PPP6R1: variants seen among roughly 807,000 people sequenced by gnomAD.
The protein encoded by PPP6R1 is serine/threonine-protein phosphatase 6 regulatory subunit 1.
A neutral mutation model predicts 104.6 loss-of-function variants in PPP6R1; 39 were observed. The ratio of observed to expected loss-of-function variants is 0.37; its 90% CI spans 0.29 to 0.49. The LOEUF (loss-of-function observed/expected upper bound fraction) is 0.49, where lower values mean the gene tolerates loss of function less well. PPP6R1 is among the 20% of genes least tolerant of loss of function. PPP6R1 has a pLI of 0.98. For synonymous variants in PPP6R1, 549 were observed against 479.0 expected, an observed-to-expected ratio of 1.15 and a Z score of -1.91; for missense variants, 1,181 against 1,155.8, an observed-to-expected ratio of 1.02 and a Z score of -0.32.
chr19:55,231,922 A>G lies in PPP6R1; in HGVS notation c.2186T>C (p.Val729Ala), dbSNP rs775261833. The change falls in exon 19 of 24, where the codon GTC (valine) becomes GCC (alanine). Residue 729 changes from valine (V) to alanine (A), a missense_variant. Val to Ala is a moderately conservative substitution (Grantham distance 64). Around this residue, in one of 2 missense-constraint regions of PPP6R1, gnomAD observed 1,042 missense variants for 955.6 expected, o/e 1.09. Coordinates refer to ENST00000412770, the MANE Select transcript of PPP6R1 (RefSeq NM_014931.4). ...AGTGTGCAGCTCTTCCTCCCCGGAGACTCGGGGGCTGGTCGGGGCATCTGT... is the reference window on the plus strand; with the variant it reads ...AGTGTGCAGCTCTTCCTCCCCGGAGGCTCGGGGGCTGGTCGGGGCATCTGT... ...VPTDAPTSPR[V>A]SGEEELHTGP... 2.6e-6 allele frequency: 4 copies of G among 1,554,942 alleles called. No homozygotes were observed. The highest frequency in any genetic ancestry group is 3.5e-6 in the Non-Finnish European group (4 of 1,147,380).
chr19:55,234,805 C>G (rs969737267), intron 17 of PPP6R1, among the ~76,000 whole-genome samples: 2 of 152,174 alleles, frequency 1.3e-5, no homozygotes, highest in Non-Finnish European at 2.9e-5. Flanking sequence ...AAGGAGCTCA[C>G]AAGCAGAGTG....
intron 5 of PPP6R1, among the ~76,000 whole-genome samples, chr19:55,243,200 G>T (rs1198779949): frequency 3.3e-5 from 5 of 152,090 alleles, no homozygotes; most frequent in Admixed American, 3.3e-4. Context: ...GGATCACGAG[G>T]TCAGGAGTTT....
At chr19:55,231,265 G>T in intron 21 of PPP6R1, 145 bp downstream of exon 21, 2 of 1,020,538 alleles carry the variant, frequency 2.0e-6, no homozygotes, top group Non-Finnish European at 3.0e-6. Flanking sequence ...GAGTGCAAGG[G>T]GCTGGGGCAC....
In PPP6R1 at chr19:55,231,837, C is replaced by G. The variant is rs1379101138; in HGVS notation, c.2271G>C (p.Leu757=). 23 of 1,504,074 alleles carry G rather than the reference C, an allele frequency of 1.5e-5. No homozygotes were observed. Among genetic ancestry groups the G allele is most frequent in the Middle Eastern group, 1.8e-4 (1 of 5,626 alleles). The allele number at this position is 1,504,074 out of a possible 1,614,324, so 93.2% of individuals were successfully genotyped here. A position where few individuals can be genotyped will look rare whatever the true frequency, so the allele number is the denominator to read the frequency against. The change falls in exon 19 of 24, where the codon CTG becomes CTC. Residue 757 remains leucine, a synonymous_variant. Transcript: ENST00000412770. ...SVPQGLPTQS[L]ASPPARDALQ... ...GGGCGTCACGGGCAGGAGGGCTGGCCAGGCTCTGAGTGGGGAGGCCCTGGG... is the reference window on the plus strand; with the variant it reads ...GGGCGTCACGGGCAGGAGGGCTGGCGAGGCTCTGAGTGGGGAGGCCCTGGG...
In PPP6R1 at chr19:55,240,514, TACACACACAC is replaced by T. The variant is rs777717878; in HGVS notation, c.1297-224_1297-215del. Among the ~76,000 whole-genome samples, 335 of 136,016 alleles carry T rather than the reference TACACACACAC, an allele frequency of 2.5e-3. 1 individual carries two copies. The highest frequency in any genetic ancestry group is 4.7e-3 in the African/African-American group (179 of 38,156). 89.2% of individuals were successfully genotyped at this position (136,016 alleles called of 152,430 possible). A position where few individuals can be genotyped will look rare whatever the true frequency, so the allele number is the denominator to read the frequency against. On this transcript the variant is annotated intron_variant, in intron 10 of 23. Transcript: ENST00000412770. The stretch of plus-strand genomic sequence containing the variant: ...TTTCTACAAAAGAATATGTGGTGCA[TACACACACAC>T]ACACACACACACACACACACACACA...
At chr19:55,228,670 C>A (rs765029250), downstream of PPP6R1, 2 of 1,607,310 alleles carry the variant, frequency 1.2e-6, no homozygotes, top group Non-Finnish European at 1.7e-6. Flanking sequence ...CAGCCCCAGG[C>A]ACAGCTCAGA....
At chr19:55,234,488 CTCACA>C (rs984892802) in intron 17 of PPP6R1, among the ~76,000 whole-genome samples, 2 of 152,294 alleles carry the variant, frequency 1.3e-5, no homozygotes, top group Non-Finnish European at 2.9e-5. Context: ...GGTGGACCAC[CTCACA>C]TCATATACAA....
At chr19:55,249,543 C>T (rs1398563320) in intron 1 of PPP6R1, among the ~76,000 whole-genome samples, 1 of 152,004 alleles carries the variant, frequency 6.6e-6, no homozygotes, top group Non-Finnish European at 1.5e-5. Flanking sequence ...GCCCAGACTC[C>T]CAATATTCCT....
At position 55,241,546 on chromosome 19, in the gene PPP6R1, A is replaced by G. The variant is rs752751124; in HGVS notation, c.939T>C (p.Ser313=). 6 of 1,579,930 alleles carry G rather than the reference A, an allele frequency of 3.8e-6. No homozygotes were observed. The highest frequency in any genetic ancestry group is 5.2e-6 in the Non-Finnish European group (6 of 1,164,172). The stretch of plus-strand genomic sequence containing the variant: ...GGCGTAGGGCGTGCAAGGCGCCCAC[A>G]CTGGACACAGTGCTTTCCAGGGCCC... ...AQGALESTVS[S]VGALHALRPR... Residue 313 remains serine, a synonymous_variant, in exon 8 of 24, where the codon AGT becomes AGC. Coordinates refer to ENST00000412770, the MANE Select transcript of PPP6R1 (RefSeq NM_014931.4). The surrounding 1 kb of genome is among the most constrained non-coding windows in gnomAD (Gnocchi z 5.4).
chr19:55,257,078 TAAAAAA>T (rs35336959), intron 1 of PPP6R1, among the ~76,000 whole-genome samples: 1 of 94,278 alleles, frequency 1.1e-5, no homozygotes, highest in African/African-American at 4.0e-5. Context: ...GAACTAGAGT[TAAAAAA>T]AAAAAAAAAA....
intron 1 of PPP6R1, among the ~76,000 whole-genome samples, chr19:55,257,760 C>CT (rs906870644): frequency 1.3e-5 from 2 of 152,250 alleles, no homozygotes; most frequent in African/African-American, 4.8e-5. Context: ...TTTGTACCCC[C>CT]TCCAGGGACC....
At chr19:55,230,555 G>A (rs569609624) in intron 23 of PPP6R1, 24 bp from the exon 24 acceptor site, 2 of 1,613,612 alleles carry the variant, frequency 1.2e-6, no homozygotes, top group Non-Finnish European at 1.7e-6. Context: ...GAGATGTCGT[G>A]TGAGGGTCTA....
downstream of PPP6R1, chr19:55,229,185 T>C (rs758265581): frequency 2.8e-5 from 5 of 177,642 alleles, no homozygotes; most frequent in Non-Finnish European, 6.2e-5. Context: ...CCCTGCTCCA[T>C]GAAACCTTTC....
chr19:55,258,278 T>G (rs1340606866), intron 1 of PPP6R1, among the ~76,000 whole-genome samples, 157 bp downstream of exon 1: 1 of 150,248 alleles, frequency 6.7e-6, no homozygotes, highest in Non-Finnish European at 1.5e-5. Flanking sequence ...AGAAACGGGG[T>G]GCCGTGGAGA....
Position 55,241,265 on chromosome 19 carries a change from CCAGGAGCTCGTGCGT to C in PPP6R1, c.1120_1134del (p.Thr374_Leu378del). 6.2e-7 allele frequency: 1 copy of C among 1,606,456 alleles called. No individual in the cohort carries two copies. The highest frequency in any genetic ancestry group is 8.5e-7 in the Non-Finnish European group (1 of 1,177,906). On this transcript the variant is annotated inframe_deletion, in exon 9 of 24. Coordinates refer to ENST00000412770, the MANE Select transcript of PPP6R1 (RefSeq NM_014931.4). The surrounding 1 kb of genome is among the most constrained non-coding windows in gnomAD (Gnocchi z 5.4). ...AGCATGGTGTTGGGCACGTCCAGTGCCAGGAGCTCGTGCGTCAGGGCTGCATCATTGGCGCTCAGG... is the reference window on the plus strand; with the variant it reads ...AGCATGGTGTTGGGCACGTCCAGTGCCAGGGCTGCATCATTGGCGCTCAGG...
chr19:55,250,915 C>A (rs2087548277), intron 1 of PPP6R1, among the ~76,000 whole-genome samples: 1 of 152,214 alleles, frequency 6.6e-6, no homozygotes, highest in Admixed American at 6.5e-5. Flanking sequence ...TCAGAACCGC[C>A]CTCTCATCGG....
At chr19:55,239,792 CAGG>C (rs1196826029) in intron 13 of PPP6R1, 31 bp downstream of exon 13, 5 of 1,606,186 alleles carry the variant, frequency 3.1e-6, no homozygotes, top group Non-Finnish European at 3.4e-6. Flanking sequence ...AGAGAAGCAG[CAGG>C]AGGAGTGCAG....
intron 1 of PPP6R1, among the ~76,000 whole-genome samples, chr19:55,257,741 G>C (rs1284081328): frequency 6.6e-6 from 1 of 152,204 alleles, no homozygotes; most frequent in Non-Finnish European, 1.5e-5. Context: ...GTGACTGTCC[G>C]GCTCTGCCTT....
At chr19:55,248,952 G>C (rs117652767) in intron 1 of PPP6R1, among the ~76,000 whole-genome samples, 2 of 152,166 alleles carry the variant, frequency 1.3e-5, no homozygotes, top group Non-Finnish European at 2.9e-5. Context: ...GCTCAGCACA[G>C]AAGGTTGCAG....
Sources: gnomAD v4.1 joint callset for allele counts (sites outside exome capture counted in the v4.1 genomes callset) on GRCh38, gnomAD v4.1.1 for gene constraint, gnomAD v4.1.1 regional missense constraint, Gnocchi (gnomAD v3.1) non-coding constraint, MANE v1.5 for transcripts, NCBI Gene and HGNC (gene_info 2026-07-23, HGNC 2026-07-21) for gene names.